Variants in MIPEP observed in about 807,000 individuals in gnomAD.
MIPEP encodes the protein mitochondrial intermediate peptidase.
In MIPEP, 79 loss-of-function variants were observed where a neutral mutation model predicts 90.3. The ratio of observed to expected loss-of-function variants is 0.87; its 90% CI spans 0.73 to 1.05. The LOEUF (loss-of-function observed/expected upper bound fraction) is 1.05. MIPEP is among the 50% of genes least tolerant of loss of function. MIPEP has a pLI of 0.00. For synonymous variants in MIPEP, 334 were observed against 315.8 expected (o/e 1.06, Z -0.61); for missense variants, 940 against 905.6 (o/e 1.04, Z -0.49).
At chr13:23,886,617 A>T in intron 1 of MIPEP, 111 bp from the exon 2 acceptor site, 1 of 810,760 alleles carries the variant, frequency 1.2e-6, no homozygotes, top group Non-Finnish European at 1.8e-6. Flanking sequence ...TCATTGGTGT[A>T]TCATGTTATA....
intron 14 of MIPEP, among the ~76,000 whole-genome samples, chr13:23,835,049 C>T (rs1273159326): frequency 2.3e-5 from 3 of 128,674 alleles, no homozygotes; most frequent in Admixed American, 1.8e-4. Flanking sequence ...TTTTAACAGT[C>T]TCACTCTGTT....
intron 13 of MIPEP, 84 bp downstream of exon 13, chr13:23,837,468 C>T (rs1869104594): frequency 1.8e-6 from 2 of 1,087,480 alleles, no homozygotes; most frequent in Non-Finnish European, 2.8e-6. Context: ...TCACATTTTC[C>T]AAATAAAAAG....
chr13:23,774,579 C>A (rs1046654717), intron 16 of MIPEP, among the ~76,000 whole-genome samples: 1 of 152,006 alleles, frequency 6.6e-6, no homozygotes, highest in Non-Finnish European at 1.5e-5. Context: ...TTCTTTCTTT[C>A]AATAATGTTT....
At chr13:23,884,705 A>C (rs1871400944) in intron 2 of MIPEP, among the ~76,000 whole-genome samples, 1 of 152,236 alleles carries the variant, frequency 6.6e-6, no homozygotes, top group East Asian at 1.9e-4. Context: ...TTAAATTTCC[A>C]AAAACAAGTT....
chr13:23,739,698 T>C (rs1023048755), intron 18 of MIPEP, among the ~76,000 whole-genome samples: 1 of 152,210 alleles, frequency 6.6e-6, no homozygotes, highest in Non-Finnish European at 1.5e-5. Context: ...TGTTCTGAGA[T>C]AAATGCCTCT....
Position 23,889,334 on chromosome 13 carries a change from C to T in MIPEP, c.-14G>A, listed in dbSNP as rs1162958425. 3 of 1,314,598 alleles carry T rather than the reference C, an allele frequency of 2.3e-6. No homozygotes were observed. The highest frequency in any genetic ancestry group is 2.9e-6 in the Non-Finnish European group (3 of 1,030,840). The allele number at this position is 1,314,598 out of a possible 1,614,324, so 81.4% of individuals were successfully genotyped here. ...GACGCACAGCATTCTAGCACCAGAG[C>T]AGTCCCTTCCTCCAACGCAGATCCC... On this transcript the variant is annotated 5_prime_UTR_variant, in exon 1 of 19. Coordinates refer to ENST00000382172, the MANE Select transcript of MIPEP (RefSeq NM_005932.4).
intron 14 of MIPEP, among the ~76,000 whole-genome samples, chr13:23,818,942 T>C (rs1172446925): frequency 6.6e-6 from 1 of 152,198 alleles, no homozygotes; most frequent in Non-Finnish European, 1.5e-5. Context: ...TTTTCATAAA[T>C]TTGACCAAAA....
At chr13:23,841,290 G>A (rs557621277) in intron 11 of MIPEP, 45 bp downstream of exon 11, 39 of 1,557,384 alleles carry the variant, frequency 2.5e-5, no homozygotes, top group East Asian at 2.5e-4. Context: ...CTGCCCAACC[G>A]AAAGGTAAAT....
At chr13:23,869,960 A>G (rs1870710412) in intron 6 of MIPEP, 53 bp downstream of exon 6, 1 of 1,426,512 alleles carries the variant, frequency 7.0e-7, no homozygotes, top group Admixed American at 2.2e-5. Flanking sequence ...GGGTTAAAAC[A>G]GTAGCAACAC....
chr13:23,889,231 C>A lies in MIPEP; in HGVS notation c.90G>T (p.Gly30=). 7.1e-7 allele frequency: 1 copy of A among 1,411,974 alleles called. No individual in the cohort carries two copies. The highest frequency in any genetic ancestry group is 2.3e-4 in the Middle Eastern group (1 of 4,282). The allele number at this position is 1,411,974 out of a possible 1,614,324, so 87.5% of individuals were successfully genotyped here. Residue 30 remains glycine (G), a synonymous_variant, in exon 1 of 19, where the codon GGG becomes GGT. Coordinates refer to ENST00000382172, the MANE Select transcript of MIPEP (RefSeq NM_005932.4). ...TGGTGCTGACCCTTCGGGCCCGGAT[C>A]CCGGCTTCGAGGCTTCCCCGGCCCG... The part of the protein sequence containing the change: ...RRAGRGSLEA[G]IRARRVSTSW...
At chr13:23,764,730 A>T (rs764878739) in intron 16 of MIPEP, among the ~76,000 whole-genome samples, 191 of 152,042 alleles carry the variant, frequency 1.3e-3, no homozygotes, top group Non-Finnish European at 2.0e-3. Context: ...GCTAATTTTT[A>T]AAAAAAATTT....
At chr13:23,759,485 C>A (rs182411173) in intron 17 of MIPEP, among the ~76,000 whole-genome samples, 2 of 149,782 alleles carry the variant, frequency 1.3e-5, no homozygotes, top group Admixed American at 1.3e-4. Flanking sequence ...CAGCACGGGA[C>A]GGGATCCCCC....
intron 5 of MIPEP, among the ~76,000 whole-genome samples, chr13:23,870,922 A>G (rs1870775389): frequency 6.6e-6 from 1 of 152,270 alleles, no homozygotes; most frequent in Non-Finnish European, 1.5e-5. Flanking sequence ...CTGCAGTCCC[A>G]GCCCTATGTG....
At chr13:23,886,303 T>C in intron 2 of MIPEP, 30 bp downstream of exon 2, 3 of 1,403,040 alleles carry the variant, frequency 2.1e-6, no homozygotes, top group Non-Finnish European at 2.8e-6. Flanking sequence ...GAAAGAGAGG[T>C]AGCTTCAAGT....
At chr13:23,749,382 C>T (rs1257235604) in intron 18 of MIPEP, among the ~76,000 whole-genome samples, 1 of 152,190 alleles carries the variant, frequency 6.6e-6, no homozygotes, top group Non-Finnish European at 1.5e-5. Context: ...GGCATCAACG[C>T]TTATTATTTA....
chr13:23,800,727 T>C (rs537089362), intron 16 of MIPEP, among the ~76,000 whole-genome samples: 2 of 152,352 alleles, frequency 1.3e-5, no homozygotes, highest in Non-Finnish European at 2.9e-5. Context: ...ATTAAATAGT[T>C]ACAGTCATGT....
At position 23,881,795 on chromosome 13, in the gene MIPEP, A is replaced by T. The variant is rs1871281008; in HGVS notation, c.364-8T>A. ...GATTTTCACAAAATCAGCCTAATAAAGGGGAAAGACAAAACCAAAAGGGAA... is the reference window on the plus strand; with the variant it reads ...GATTTTCACAAAATCAGCCTAATAATGGGGAAAGACAAAACCAAAAGGGAA... On this transcript the variant is annotated splice_region_variant and splice_polypyrimidine_tract_variant and intron_variant, in intron 2 of 18. Coordinates refer to ENST00000382172, the MANE Select transcript of MIPEP (RefSeq NM_005932.4). 7.5e-6 allele frequency: 12 copies of T among 1,609,536 alleles called. No homozygotes were observed. The highest frequency in any genetic ancestry group is 1.0e-5 in the Non-Finnish European group (12 of 1,176,514).
intron 7 of MIPEP, among the ~76,000 whole-genome samples, chr13:23,868,334 C>T (rs1040484709): frequency 2.0e-5 from 3 of 152,092 alleles, no homozygotes; most frequent in Non-Finnish European, 2.9e-5. Context: ...TGTAGCTTAA[C>T]CGAGAGCCCT....
intron 16 of MIPEP, among the ~76,000 whole-genome samples, chr13:23,773,651 C>T (rs1323008741): frequency 3.1e-4 from 47 of 152,186 alleles, no homozygotes. Context: ...TTTATTATAT[C>T]CATCCCAGTG....
Sources: allele counts gnomAD v4.1 joint callset (sites outside exome capture counted in the v4.1 genomes callset), GRCh38; gene constraint gnomAD v4.1.1; transcripts MANE v1.5; gene names NCBI Gene and HGNC (gene_info 2026-07-23, HGNC 2026-07-21).